Variants in CAP2 observed in about 807,000 individuals in gnomAD.
CAP2 encodes the protein cyclase associated actin cytoskeleton regulatory protein 2, also known as adenylyl cyclase-associated protein 2.
CAP2 carries 24 observed loss-of-function variants against 57.7 expected under a neutral mutation model. The ratio of observed to expected loss-of-function variants is 0.42; its 90% CI spans 0.30 to 0.58. CAP2 has a LOEUF of 0.58. Ranked by LOEUF, CAP2 falls within the 20% of genes least tolerant of loss-of-function variation. CAP2 has a pLI of 0.22. For synonymous variants in CAP2, 194 were observed against 207.2 expected (o/e 0.94, Z 0.55); for missense variants, 501 against 590.3 (o/e 0.85, Z 1.57).
At chr6:17,532,251 C>T (rs1762662299) in intron 7 of CAP2, among the ~76,000 whole-genome samples, 1 of 150,490 alleles carries the variant, frequency 6.6e-6, no homozygotes, top group South Asian at 2.1e-4. Context: ...AGTGATTCTC[C>T]TGCCTCAGCC....
At chr6:17,539,195 C>G in intron 7 of CAP2, 74 bp from the exon 8 acceptor site, 1 of 1,423,884 alleles carries the variant, frequency 7.0e-7, no homozygotes, top group Non-Finnish European at 9.6e-7. Context: ...CAGCAGGTTT[C>G]GACTCTCTCG....
intron 3 of CAP2, among the ~76,000 whole-genome samples, chr6:17,453,526 C>A (rs1198459463): frequency 6.6e-6 from 1 of 152,200 alleles, no homozygotes; most frequent in Non-Finnish European, 1.5e-5. Flanking sequence ...GTTGCCTTGA[C>A]CACAGTGAAC....
At chr6:17,529,749 A>G (rs957674943) in intron 7 of CAP2, among the ~76,000 whole-genome samples, 3 of 151,850 alleles carry the variant, frequency 2.0e-5, no homozygotes, top group Non-Finnish European at 4.4e-5. Context: ...GGTCTGTTCT[A>G]AAACTGGTAG....
chr6:17,404,210 G>A (rs1173654907), intron 1 of CAP2, among the ~76,000 whole-genome samples: 3 of 152,192 alleles, frequency 2.0e-5, no homozygotes, highest in Non-Finnish European at 2.9e-5. Context: ...GGTGGCTCAC[G>A]CCTGTAATCC....
At chr6:17,541,248 T>C (rs1393205866) in intron 9 of CAP2, 100 bp downstream of exon 9, 1 of 881,610 alleles carries the variant, frequency 1.1e-6, no homozygotes, top group East Asian at 2.6e-5. Flanking sequence ...TTTTTTTTAA[T>C]TTTTGTATTG....
intron 4 of CAP2, among the ~76,000 whole-genome samples, chr6:17,473,758 C>T (rs539844302): frequency 2.0e-5 from 3 of 152,202 alleles, no homozygotes; most frequent in African/African-American, 7.2e-5. Flanking sequence ...TGGTCATGTT[C>T]TATATTTGTA....
intron 1 of CAP2, among the ~76,000 whole-genome samples, chr6:17,413,357 G>C (rs1466074687): frequency 6.6e-6 from 1 of 152,130 alleles, no homozygotes; most frequent in Non-Finnish European, 1.5e-5. Flanking sequence ...CGAGAAGCTG[G>C]CTCCAGAAAT....
chr6:17,394,191 G>A (rs1758614636), intron 1 of CAP2, among the ~76,000 whole-genome samples: 1 of 151,892 alleles, frequency 6.6e-6, no homozygotes. Flanking sequence ...CATTGCGCCG[G>A]CTCTGACCAG....
Position 17,426,796 on chromosome 6 carries a change from T to C in CAP2, c.222+106T>C, listed in dbSNP as rs1182651138. 19 of 765,832 alleles carry C rather than the reference T, an allele frequency of 2.5e-5. No homozygotes were observed. The Admixed American group carries it at 4.2e-4, about 17-fold the overall frequency. 47.4% of individuals were successfully genotyped at this position (765,832 alleles called of 1,614,324 possible). A position where few individuals can be genotyped will look rare whatever the true frequency, so the allele number is the denominator to read the frequency against. Reference sequence around the variant, plus strand: ...GATCTTTATTTATTTATTTAGTTTTTACTCTGGCTAGGCAGATGGTGGCTA... The same window carrying C: ...GATCTTTATTTATTTATTTAGTTTTCACTCTGGCTAGGCAGATGGTGGCTA... On this transcript the variant is annotated intron_variant, in intron 3 of 12. Transcript: ENST00000229922.
intron 2 of CAP2, among the ~76,000 whole-genome samples, chr6:17,424,011 A>C (rs1028560606): frequency 6.6e-6 from 1 of 152,210 alleles, no homozygotes; most frequent in African/African-American, 2.4e-5. Flanking sequence ...ATTTTTAACA[A>C]ATCCGCCGAA....
At chr6:17,462,022 A>AAAAAAAAAAAAAAAAAAAC in intron 3 of CAP2, among the ~76,000 whole-genome samples, 1 of 143,448 alleles carries the variant, frequency 7.0e-6, no homozygotes, top group Non-Finnish European at 1.5e-5. Flanking sequence ...AAAAAAAAAA[A>AAAAAAAAAAAAAAAAAAAC]ATTAACATAA....
intron 7 of CAP2, among the ~76,000 whole-genome samples, chr6:17,519,663 C>T (rs1405701339): frequency 1.3e-5 from 2 of 152,238 alleles, no homozygotes; most frequent in East Asian, 1.9e-4. Context: ...TAGGATCCCT[C>T]GCAGTTGGTC....
At chr6:17,452,665 T>C (rs971277719) in intron 3 of CAP2, among the ~76,000 whole-genome samples, 13 of 152,148 alleles carry the variant, frequency 8.5e-5, no homozygotes, top group Non-Finnish European at 1.8e-4. Context: ...CGTATGTAGT[T>C]AGTATAAGCA....
chr6:17,488,355 T>C (rs149481779), intron 4 of CAP2, among the ~76,000 whole-genome samples: 2,435 of 152,302 alleles, frequency 0.016, 61 homozygotes, highest in African/African-American at 0.055. Flanking sequence ...AACACCTCCC[T>C]TCTGGATTGT....
intron 7 of CAP2, among the ~76,000 whole-genome samples, 199 bp downstream of exon 7, chr6:17,514,153 A>G (rs528200863): frequency 6.6e-6 from 1 of 152,024 alleles, no homozygotes; most frequent in East Asian, 2.0e-4. Flanking sequence ...CATTGAGGTC[A>G]GGAGTTCAAG....
In CAP2 at chr6:17,438,311, G is replaced by A. The variant is rs958771149; in HGVS notation, c.222+11621G>A. ...AACCCAGGAGGTGGAGGTTGCAGTG[G>A]GCCGAGATCGTGCCACTGCACTCCA... is the stretch of plus-strand genomic sequence containing the variant. On this transcript the variant is annotated intron_variant, in intron 3 of 12. Coordinates refer to ENST00000229922, the MANE Select transcript of CAP2 (RefSeq NM_006366.3). Among the ~76,000 whole-genome samples the A allele has an allele frequency of 6.0e-5, 9 of 150,526 alleles. 1 individual carries two copies. Among genetic ancestry groups the A allele is most frequent in the African/African-American group, 2.2e-4 (9 of 40,288 alleles).
intron 1 of CAP2, among the ~76,000 whole-genome samples, chr6:17,397,217 G>C (rs1758688079): frequency 2.0e-5 from 3 of 151,968 alleles, no homozygotes; most frequent in Admixed American, 6.5e-5. Flanking sequence ...GGGCCACCAT[G>C]CCTGGCTAAT....
intron 4 of CAP2, among the ~76,000 whole-genome samples, chr6:17,489,199 T>C (rs1431607384): frequency 1.3e-5 from 2 of 152,140 alleles, no homozygotes; most frequent in African/African-American, 2.4e-5. Context: ...TTTGGGAGGC[T>C]AAGGCGGGCA....
intron 9 of CAP2, 89 bp downstream of exon 9, chr6:17,541,237 C>CT (rs1318309566): frequency 7.4e-5 from 77 of 1,035,454 alleles, no homozygotes; most frequent in Middle Eastern, 6.3e-4. Context: ...TGAAGGATTT[C>CT]TTTTTTTTAA....
Sources: gnomAD v4.1 joint callset for allele counts (sites outside exome capture counted in the v4.1 genomes callset) on GRCh38, gnomAD v4.1.1 for gene constraint, MANE v1.5 for transcripts, NCBI Gene and HGNC (gene_info 2026-07-23, HGNC 2026-07-21) for gene names.